The following FUT9 variants were observed in gnomAD, a reference collection of about 807,000 sequenced individuals.
FUT9 encodes the protein fucosyltransferase 9.
In FUT9, 15 loss-of-function variants were observed where a neutral mutation model predicts 29.7. The ratio of observed to expected loss-of-function variants is 0.51; its 90% CI spans 0.34 to 0.78. FUT9 has a LOEUF of 0.78. FUT9 is among the 30% of genes least tolerant of loss of function. The pLI is 0.01. For synonymous variants in FUT9, 169 were observed against 153.7 expected, an observed-to-expected ratio of 1.10 and a Z score of -0.74; for missense variants, 319 against 425.4, an observed-to-expected ratio of 0.75 and a Z score of 2.20.
chr6:96,032,967 C>T (rs1480236317), intron 1 of FUT9, among the ~76,000 whole-genome samples: 1 of 151,604 alleles, frequency 6.6e-6, no homozygotes, highest in Non-Finnish European at 1.5e-5. Context: ...CTGTTCAACT[C>T]GGCATGACGG....
intron 1 of FUT9, among the ~76,000 whole-genome samples, chr6:96,084,353 G>A (rs939529128): frequency 1.4e-4 from 22 of 152,100 alleles, no homozygotes; most frequent in African/African-American, 4.8e-4. Flanking sequence ...TACAGAAAGC[G>A]CTCTAAGAAG....
chr6:96,049,375 A>G (rs959502141), intron 1 of FUT9, among the ~76,000 whole-genome samples: 2 of 152,204 alleles, frequency 1.3e-5, no homozygotes, highest in African/African-American at 4.8e-5. Flanking sequence ...GATAAAATTC[A>G]GTGTTTAAAT....
At position 96,208,100 on chromosome 6, in the gene FUT9, C is replaced by T. The variant is rs913530411; in HGVS notation, c.*3865C>T. 4 of 166,772 alleles carry T rather than the reference C, an allele frequency of 2.4e-5. No individual in the cohort carries two copies. The highest frequency in any genetic ancestry group is 4.2e-4 in the South Asian group (2 of 4,818). 10.3% of individuals were successfully genotyped at this position (166,772 alleles called of 1,614,324 possible). ...ATTTTGAGGGGCTTAGAAAGCTCAG[C>T]GCATTTGATGTATAAAGCAACAGAA... On this transcript the variant is annotated 3_prime_UTR_variant, in exon 3 of 3. Transcript: ENST00000302103.
At position 96,143,951 on chromosome 6, in the gene FUT9, A is replaced by T. The variant is rs139445000; in HGVS notation, c.-9+29824A>T. ...TGGAAATAGGTAATGCTGGTTGTGT[A>T]CTTAGAAAGCCCCAATTCAGCAAGT... On this transcript the variant is annotated intron_variant, in intron 2 of 2. Coordinates refer to ENST00000302103, the MANE Select transcript of FUT9 (RefSeq NM_006581.4). Among the ~76,000 whole-genome samples, 3 of 152,304 alleles carry T rather than the reference A, an allele frequency of 2.0e-5. No homozygotes were observed. The East Asian group carries it at 5.8e-4, about 29-fold the overall frequency.
chr6:96,027,387 C>A (rs1324726190), intron 1 of FUT9, among the ~76,000 whole-genome samples: 1 of 151,542 alleles, frequency 6.6e-6, no homozygotes, highest in Non-Finnish European at 1.5e-5. Context: ...AATACATGTC[C>A]CTTTCTCTGC....
intron 2 of FUT9, among the ~76,000 whole-genome samples, chr6:96,124,677 C>A (rs781616013): frequency 2.0e-5 from 3 of 152,050 alleles, no homozygotes; most frequent in Non-Finnish European, 4.4e-5. Context: ...TTGCTCTCCT[C>A]CATAGTCAAC....
intron 1 of FUT9, among the ~76,000 whole-genome samples, chr6:96,062,685 CAGA>C (rs1378155675): frequency 4.6e-5 from 7 of 152,036 alleles, no homozygotes; most frequent in Non-Finnish European, 8.8e-5. Flanking sequence ...AGTGAAATTT[CAGA>C]AGATTTTTTT....
intron 2 of FUT9, among the ~76,000 whole-genome samples, chr6:96,151,714 TGA>T (rs1177935789): frequency 6.6e-6 from 1 of 152,208 alleles, no homozygotes; most frequent in Non-Finnish European, 1.5e-5. Context: ...ATATCTCTCA[TGA>T]GCTCTGAGTT....
intron 2 of FUT9, among the ~76,000 whole-genome samples, chr6:96,154,703 T>A (rs952117232): frequency 6.6e-6 from 1 of 152,368 alleles, no homozygotes; most frequent in South Asian, 2.1e-4. Context: ...GTATCACATC[T>A]TCCTATAATA....
chr6:96,080,478 A>G (rs942635607), intron 1 of FUT9, among the ~76,000 whole-genome samples: 1 of 151,974 alleles, frequency 6.6e-6, no homozygotes, highest in African/African-American at 2.4e-5. Flanking sequence ...CTACTTATTA[A>G]ATGTATGTAT....
intron 1 of FUT9, among the ~76,000 whole-genome samples, chr6:96,033,589 C>T (rs1770300796): frequency 6.6e-6 from 1 of 151,564 alleles, no homozygotes; most frequent in South Asian, 2.1e-4. Context: ...TCCCTTCACC[C>T]TAAAATTATT....
In FUT9 at chr6:96,162,172, G is replaced by A. The variant is rs993070666; in HGVS notation, c.-8-40976G>A. Among the ~76,000 whole-genome samples, 133 of 152,080 alleles carry A rather than the reference G, an allele frequency of 8.7e-4. 2 individuals are homozygous for A. The highest frequency in any genetic ancestry group is 3.1e-4 in the Non-Finnish European group (21 of 67,990). ...TAATTCCAAAACCTGTGTCATATCTGAGTCTAGTTCTGATGCGTGCTTTTT... is the reference window on the plus strand; with the variant it reads ...TAATTCCAAAACCTGTGTCATATCTAAGTCTAGTTCTGATGCGTGCTTTTT... On this transcript the variant is annotated intron_variant, in intron 2 of 2. Transcript: ENST00000302103.
intron 1 of FUT9, among the ~76,000 whole-genome samples, chr6:96,097,917 A>C (rs1284140120): frequency 6.6e-6 from 1 of 152,110 alleles, no homozygotes; most frequent in African/African-American, 2.4e-5. Context: ...ATACAAAAAA[A>C]TATGCATACA....
At chr6:96,185,060 C>G (rs2127987027) in intron 2 of FUT9, among the ~76,000 whole-genome samples, 1 of 152,096 alleles carries the variant, frequency 6.6e-6, no homozygotes, top group Non-Finnish European at 1.5e-5. Flanking sequence ...ACCAACCTTC[C>G]TTCCCCACTC....
chr6:96,187,825 A>G (rs1234011773), intron 2 of FUT9, among the ~76,000 whole-genome samples: 1 of 152,128 alleles, frequency 6.6e-6, no homozygotes, highest in Non-Finnish European at 1.5e-5. Context: ...TATTGTTTTT[A>G]GGCAACTTGG....
intron 1 of FUT9, among the ~76,000 whole-genome samples, chr6:96,071,462 A>T (rs1771057456): frequency 6.6e-6 from 1 of 152,222 alleles, no homozygotes; most frequent in Non-Finnish European, 1.5e-5. Context: ...ATAACTATTA[A>T]TTTTCTGCCT....
chr6:96,146,471 G>A lies in FUT9; in HGVS notation c.-9+32344G>A, dbSNP rs567887908. ...TCAAACGACAAAGGAAAATCTGAGG[G>A]GTTATATCTTTTTAGTCTAGTTTAA... On this transcript the variant is annotated intron_variant, in intron 2 of 2. Coordinates refer to ENST00000302103, the MANE Select transcript of FUT9 (RefSeq NM_006581.4). 1.6e-4 allele frequency among the ~76,000 whole-genome samples: 25 copies of A among 152,132 alleles called. 1 individual carries two copies. The South Asian group carries it at 5.2e-3, about 32-fold the overall frequency.
chr6:96,060,503 A>G (rs1562111944), intron 1 of FUT9, among the ~76,000 whole-genome samples: 1 of 151,928 alleles, frequency 6.6e-6, no homozygotes, highest in Non-Finnish European at 1.5e-5. Flanking sequence ...ATTAAAGTTT[A>G]TCTGTAACAT....
rs1774015190 is a variant in FUT9, at chr6:96,215,218, C to A, written c.*10983C>A. 6.0e-6 allele frequency: 1 copy of A among 166,984 alleles called. No individual in the cohort carries two copies. 10.3% of individuals were successfully genotyped at this position (166,984 alleles called of 1,614,324 possible). A position where few individuals can be genotyped will look rare whatever the true frequency, so the allele number is the denominator to read the frequency against. ...TCTGTATATTCAGCTATTTGGAGAACTCGTGTTTTCCACAAATTAAACTGG... is the reference window on the plus strand; with the variant it reads ...TCTGTATATTCAGCTATTTGGAGAAATCGTGTTTTCCACAAATTAAACTGG... On this transcript the variant is annotated 3_prime_UTR_variant, in exon 3 of 3. Coordinates refer to ENST00000302103, the MANE Select transcript of FUT9 (RefSeq NM_006581.4).
Sources: allele counts gnomAD v4.1 joint callset (sites outside exome capture counted in the v4.1 genomes callset), GRCh38; gene constraint gnomAD v4.1.1; transcripts MANE v1.5; gene names NCBI Gene and HGNC (gene_info 2026-07-23, HGNC 2026-07-21).